ANKRD45: variants seen among roughly 807,000 people sequenced by gnomAD.
The protein encoded by ANKRD45 is ankyrin repeat domain 45.
ANKRD45 carries 21 observed loss-of-function variants against 28.1 expected under a neutral mutation model. The ratio of observed to expected loss-of-function variants is 0.75; its 90% confidence interval spans 0.53 to 1.08. The LOEUF (loss-of-function observed/expected upper bound fraction) is 1.08. Ranked by LOEUF, ANKRD45 falls within the 50% of genes least tolerant of loss-of-function variation. The pLI is 0.00. For synonymous variants in ANKRD45, 86 were observed against 103.9 expected, an observed-to-expected ratio of 0.83 and a Z score of 1.05; for missense variants, 261 against 308.7, an observed-to-expected ratio of 0.85 and a Z score of 1.16.
chr1:173,692,518 G>A, the ANKRD45 span, among the ~76,000 whole-genome samples: 10 of 152,202 alleles, frequency 6.6e-5, no homozygotes, highest in Non-Finnish European at 1.2e-4. Flanking sequence ...GCCCTAAGCA[G>A]TTCCCAGCTT....
At chr1:173,694,547 T>C in the ANKRD45 span, among the ~76,000 whole-genome samples, 1 of 143,830 alleles carries the variant, frequency 7.0e-6, no homozygotes, top group Non-Finnish European at 1.5e-5. Flanking sequence ...ATTATTATTA[T>C]TATTATTATT....
intron 5 of ANKRD45, among the ~76,000 whole-genome samples, chr1:173,613,897 G>T (rs956528857): frequency 6.6e-6 from 1 of 152,172 alleles, no homozygotes; most frequent in African/African-American, 2.4e-5. Flanking sequence ...AAGTAGACAT[G>T]GGAGACTTTT....
Position 173,666,295 on chromosome 1 carries a change from A to G in ANKRD45, c.-16+3522T>C, listed in dbSNP as rs558835908. ...CCTGGATCTCCAGCTTGCTGAATGCAGATCTTGACATTTCTCAGCCTCCAT... is the reference window on the plus strand; with the variant it reads ...CCTGGATCTCCAGCTTGCTGAATGCGGATCTTGACATTTCTCAGCCTCCAT... On this transcript the variant is annotated intron_variant, in intron 1 of 5. Coordinates refer to ENST00000333279, the MANE Select transcript of ANKRD45 (RefSeq NM_198493.3). Among the ~76,000 whole-genome samples, 11 of 152,298 alleles carry G rather than the reference A, an allele frequency of 7.2e-5. No individual in the cohort carries two copies. In the South Asian group the frequency reaches 2.3e-3, roughly 32 times the overall value.
At chr1:173,674,475 G>A (rs1444119486), upstream of ANKRD45, among the ~76,000 whole-genome samples, 7 of 152,216 alleles carry the variant, frequency 4.6e-5, no homozygotes, top group Non-Finnish European at 1.5e-5. Flanking sequence ...GCCTCAGGAG[G>A]TCCTGATAAC....
chr1:173,679,335 G>A, the ANKRD45 span, among the ~76,000 whole-genome samples: 2 of 152,142 alleles, frequency 1.3e-5, no homozygotes, highest in Non-Finnish European at 2.9e-5. Flanking sequence ...CATGGTACTG[G>A]TACCAGAACA....
At chr1:173,691,917 C>T in the ANKRD45 span, among the ~76,000 whole-genome samples, 1 of 152,112 alleles carries the variant, frequency 6.6e-6, no homozygotes, top group African/African-American at 2.4e-5. Flanking sequence ...GTGTTATTCC[C>T]CTATTGGCGA....
At chr1:173,661,626 G>C (rs1301064813) in intron 1 of ANKRD45, among the ~76,000 whole-genome samples, 1 of 152,088 alleles carries the variant, frequency 6.6e-6, no homozygotes, top group South Asian at 2.1e-4. Context: ...TAAGAGACTA[G>C]AGGCAAAAAA....
At chr1:173,658,853 G>A (rs1055509734) in intron 2 of ANKRD45, 3 of 454,724 alleles carry the variant, frequency 6.6e-6, no homozygotes, top group Middle Eastern at 6.5e-4. Flanking sequence ...AAAAGATCAG[G>A]TAACTTGCCA....
At chr1:173,614,273 A>T (rs912297413) in intron 5 of ANKRD45, among the ~76,000 whole-genome samples, 4 of 151,530 alleles carry the variant, frequency 2.6e-5, no homozygotes, top group Non-Finnish European at 4.4e-5. Context: ...AATAAAAAAA[A>T]AAAAATAAAT....
chr1:173,657,828 G>T (rs1669614226), intron 2 of ANKRD45: 1 of 149,592 alleles, frequency 6.7e-6, no homozygotes, highest in African/African-American at 2.4e-5. Flanking sequence ...ATTTTCTTTG[G>T]TTACTCAGTT....
chr1:173,614,171 C>G (rs573292836), intron 5 of ANKRD45, among the ~76,000 whole-genome samples: 201 of 152,170 alleles, frequency 1.3e-3, no homozygotes, highest in Non-Finnish European at 2.3e-3. Flanking sequence ...AACCAGAGAC[C>G]TTTGTTCACT....
chr1:173,713,636 T>A, the ANKRD45 span, among the ~76,000 whole-genome samples: 1 of 146,862 alleles, frequency 6.8e-6, no homozygotes, highest in Non-Finnish European at 1.5e-5. Flanking sequence ...GTTTTTTGCA[T>A]GTTTGACTAC....
At chr1:173,613,207 C>T (rs986772425) in intron 5 of ANKRD45, among the ~76,000 whole-genome samples, 9 of 151,968 alleles carry the variant, frequency 5.9e-5, no homozygotes, top group African/African-American at 1.4e-4. Flanking sequence ...CCCGCCACCC[C>T]GTCTGGGATG....
intron 5 of ANKRD45, among the ~76,000 whole-genome samples, chr1:173,623,887 C>T (rs1313300570): frequency 5.7e-5 from 8 of 140,444 alleles, no homozygotes; most frequent in Non-Finnish European, 1.2e-4. Context: ...TATGTTCTCA[C>T]TTGTAAGTGG....
At chr1:173,708,325 C>T in the ANKRD45 span, among the ~76,000 whole-genome samples, 42 of 152,288 alleles carry the variant, frequency 2.8e-4, no homozygotes, top group Non-Finnish European at 4.6e-4. Context: ...CATGAGGGCT[C>T]CACACTCACG....
intron 1 of ANKRD45, among the ~76,000 whole-genome samples, chr1:173,664,275 T>A (rs1238626217): frequency 1.3e-5 from 2 of 152,216 alleles, no homozygotes; most frequent in Non-Finnish European, 2.9e-5. Flanking sequence ...ACTTTCACTC[T>A]CAAAAGTGTC....
chr1:173,672,975 C>A (rs1448152490), upstream of ANKRD45, among the ~76,000 whole-genome samples: 1 of 152,068 alleles, frequency 6.6e-6, no homozygotes, highest in Non-Finnish European at 1.5e-5. Flanking sequence ...ACTATTCAAA[C>A]CCCCCAGAAA....
chr1:173,633,227 A>G (rs1181605833), intron 3 of ANKRD45, among the ~76,000 whole-genome samples: 2 of 152,056 alleles, frequency 1.3e-5, no homozygotes, highest in Admixed American at 6.6e-5. Flanking sequence ...AAAAATCAAG[A>G]AAGTAACTCC....
chr1:173,658,749 A>G, intron 2 of ANKRD45: 1 of 168,662 alleles, frequency 5.9e-6, no homozygotes, highest in South Asian at 2.0e-4. Flanking sequence ...GCCAAGCACT[A>G]AAATATTTAT....
Sources: gnomAD v4.1 joint callset for allele counts (sites outside exome capture counted in the v4.1 genomes callset) on GRCh38, gnomAD v4.1.1 for gene constraint, MANE v1.5 for transcripts, NCBI Gene and HGNC (gene_info 2026-07-23, HGNC 2026-07-21) for gene names.